Variants in SUFU observed in about 807,000 individuals in gnomAD.
SUFU encodes SUFU negative regulator of hedgehog signaling.
In SUFU, 7 loss-of-function variants were observed where a neutral mutation model predicts 58.9. That is an observed-to-expected ratio of 0.12 (90% CI 0.07 to 0.22). SUFU has a LOEUF of 0.22. Ranked by LOEUF, SUFU falls within the 10% of genes least tolerant of loss-of-function variation. The pLI is 1.00. For synonymous variants in SUFU, 232 were observed against 254.8 expected (o/e 0.91, Z 0.85); for missense variants, 451 against 641.3 (o/e 0.70, Z 3.20).
intron 3 of SUFU, among the ~76,000 whole-genome samples, chr10:102,564,628 C>T (rs2063070199): frequency 6.6e-6 from 1 of 152,222 alleles, no homozygotes; most frequent in Non-Finnish European, 1.5e-5. Context: ...CCGTCGCACC[C>T]AACCTCAAGC....
chr10:102,573,205 C>T (rs2063180751), intron 3 of SUFU: 1 of 741,152 alleles, frequency 1.3e-6, no homozygotes. Flanking sequence ...CAGGAGCTTC[C>T]TTCTTTGCTT....
intron 2 of SUFU, among the ~76,000 whole-genome samples, chr10:102,522,871 G>C (rs1430331347): frequency 6.6e-6 from 1 of 152,170 alleles, no homozygotes; most frequent in Non-Finnish European, 1.5e-5. Context: ...CCTGGTCCTG[G>C]TCCTCATTGG....
intron 3 of SUFU, among the ~76,000 whole-genome samples, chr10:102,554,748 G>A (rs1311314968): frequency 6.6e-6 from 1 of 152,214 alleles, no homozygotes; most frequent in African/African-American, 2.4e-5. Context: ...TGGTTTAAGA[G>A]TGTGGCCTCC....
chr10:102,600,816 A>G (rs2063508756), intron 8 of SUFU, among the ~76,000 whole-genome samples: 1 of 152,198 alleles, frequency 6.6e-6, no homozygotes, highest in African/African-American at 2.4e-5. Context: ...GCTCTTTGGC[A>G]AAAGCCTGGA....
intron 8 of SUFU, among the ~76,000 whole-genome samples, chr10:102,612,169 T>TTGTGTGTGTGTGTGTGTGTGTG (rs34032732): frequency 6.7e-6 from 1 of 148,230 alleles, no homozygotes; most frequent in African/African-American, 2.5e-5. Context: ...AACTGGGTTC[T>TTGTGTGTGTGTGTGTGTGTGTG]TGTGTGTGTG....
At chr10:102,575,995 C>A (rs1209342386) in intron 3 of SUFU, among the ~76,000 whole-genome samples, 5 of 146,868 alleles carry the variant, frequency 3.4e-5, no homozygotes, top group Non-Finnish European at 6.0e-5. Context: ...TGCCACCATA[C>A]CCCGCTAATT....
intron 3 of SUFU, among the ~76,000 whole-genome samples, chr10:102,568,005 T>C (rs1455685342): frequency 6.6e-6 from 1 of 152,166 alleles, no homozygotes; most frequent in Non-Finnish European, 1.5e-5. Context: ...GAAAACCTTG[T>C]CCTTTGCTTC....
At chr10:102,627,065 A>G in intron 10 of SUFU, 110 bp from the exon 11 acceptor site, 1 of 1,187,498 alleles carries the variant, frequency 8.4e-7, no homozygotes, top group Middle Eastern at 1.9e-4. Context: ...AACAGATCAC[A>G]GTGAGCTCAT....
chr10:102,627,304 CGTGT>C, intron 11 of SUFU, 61 bp downstream of exon 11: 1 of 1,450,006 alleles, frequency 6.9e-7, no homozygotes. Context: ...TGTGTGCGTG[CGTGT>C]GCACGTCTGT....
chr10:102,561,294 A>C (rs1040070448), intron 3 of SUFU, among the ~76,000 whole-genome samples: 2 of 152,224 alleles, frequency 1.3e-5, no homozygotes, highest in African/African-American at 4.8e-5. Context: ...AAATAATACT[A>C]TTGGGGCCAT....
In SUFU at chr10:102,632,066, G is replaced by C. The variant is rs1590096890; in HGVS notation, c.*1911G>C. ...CCTCCATTCCTTGCCACCATGACCA[G>C]CCTCTCCCTGAACTCTCTCTTGCTC... On this transcript the variant is annotated 3_prime_UTR_variant, in exon 12 of 12. Transcript: ENST00000369902. 1 of 233,224 alleles carries C rather than the reference G, an allele frequency of 4.3e-6. No homozygotes were observed. The highest frequency in any genetic ancestry group is 2.2e-5 in the African/African-American group (1 of 45,326). 14.4% of individuals were successfully genotyped at this position (233,224 alleles called of 1,614,324 possible).
chr10:102,504,944 GT>G (rs1053045263), intron 1 of SUFU, among the ~76,000 whole-genome samples: 1 of 152,172 alleles, frequency 6.6e-6, no homozygotes, highest in Non-Finnish European at 1.5e-5. Context: ...TGCTTTTGAA[GT>G]TTGACGGAGC....
chr10:102,593,739 G>C lies in SUFU; in HGVS notation c.683+18G>C. 1 of 1,613,236 alleles carries C rather than the reference G, an allele frequency of 6.2e-7. No individual in the cohort carries two copies. The highest frequency in any genetic ancestry group is 8.5e-7 in the Non-Finnish European group (1 of 1,179,322). On this transcript the variant is annotated intron_variant, in intron 5 of 11. Coordinates refer to ENST00000369902, the MANE Select transcript of SUFU (RefSeq NM_016169.4). ...GTGCCTATGTGAGTACCCATGCAAG[G>C]TGGGAGCGCGGCTCCCTGGGCCTGG... is the stretch of plus-strand genomic sequence containing the variant.
Position 102,617,673 on chromosome 10 carries a change from A to G in SUFU, c.1296+245A>G. Reference sequence around the variant, plus strand: ...CCTGAGACACAAGTGTTAACTCTCCAGGCCCTGGCTCTTGGTAATTCTGGT... The same window carrying G: ...CCTGAGACACAAGTGTTAACTCTCCGGGCCCTGGCTCTTGGTAATTCTGGT... On this transcript the variant is annotated intron_variant, in intron 10 of 11. Coordinates refer to ENST00000369902, the MANE Select transcript of SUFU (RefSeq NM_016169.4). The surrounding 1 kb of genome is among the most constrained non-coding windows in gnomAD (Gnocchi z 4.4). 1.6e-6 allele frequency: 1 copy of G among 615,320 alleles called. No homozygotes were observed. Among genetic ancestry groups the G allele is most frequent in the East Asian group, 2.8e-5 (1 of 36,314 alleles). The allele number at this position is 615,320 out of a possible 1,614,324, so 38.1% of individuals were successfully genotyped here.
chr10:102,596,608 A>C (rs998883399), intron 6 of SUFU, among the ~76,000 whole-genome samples: 1 of 152,198 alleles, frequency 6.6e-6, no homozygotes, highest in Non-Finnish European at 1.5e-5. Context: ...TTTGTTCTCC[A>C]GTGGCTCTTC....
At chr10:102,531,989 C>G (rs980370335) in intron 2 of SUFU, among the ~76,000 whole-genome samples, 3 of 150,852 alleles carry the variant, frequency 2.0e-5, no homozygotes, top group African/African-American at 7.3e-5. Flanking sequence ...GAGTCTTGCT[C>G]TGTTGCCCAG....
intron 3 of SUFU, chr10:102,590,853 A>G (rs2063392345): frequency 6.6e-6 from 1 of 152,124 alleles, no homozygotes; most frequent in Non-Finnish European, 1.5e-5. Context: ...GTAAAAGGAG[A>G]GAGATTCTGG....
chr10:102,521,887 G>A (rs184543440), intron 2 of SUFU, among the ~76,000 whole-genome samples: 9 of 152,232 alleles, frequency 5.9e-5, no homozygotes, highest in Admixed American at 5.2e-4. Context: ...AAAAATGTTG[G>A]GAATTAGAAA....
chr10:102,543,223 A>G (rs1312262781), intron 2 of SUFU, among the ~76,000 whole-genome samples: 3 of 152,186 alleles, frequency 2.0e-5, no homozygotes, highest in Non-Finnish European at 4.4e-5. Context: ...GCAACAGAAT[A>G]TGATGTCATA....
Sources: allele counts gnomAD v4.1 joint callset (sites outside exome capture counted in the v4.1 genomes callset), GRCh38; gene constraint gnomAD v4.1.1; non-coding constraint Gnocchi (gnomAD v3.1); transcripts MANE v1.5; gene names NCBI Gene and HGNC (gene_info 2026-07-23, HGNC 2026-07-21).